R3HDM1: variants seen among roughly 807,000 people sequenced by gnomAD.
R3HDM1 encodes the protein R3H domain containing 1, also known as R3H domain-containing protein 1.
A neutral mutation model predicts 141.1 loss-of-function variants in R3HDM1; 46 were observed. That is an observed-to-expected ratio of 0.33 (90% CI 0.26 to 0.42). R3HDM1 has a LOEUF of 0.42. Ranked by LOEUF, R3HDM1 falls within the 10% of genes least tolerant of loss-of-function variation. R3HDM1 has a pLI of 1.00. For synonymous variants in R3HDM1, 435 were observed against 472.9 expected, an observed-to-expected ratio of 0.92 and a Z score of 1.04; for missense variants, 1,184 against 1,368.3, an observed-to-expected ratio of 0.87 and a Z score of 2.12.
intron 1 of R3HDM1, among the ~76,000 whole-genome samples, chr2:135,548,381 T>G (rs948624578): frequency 1.3e-5 from 2 of 152,224 alleles, no homozygotes; most frequent in Non-Finnish European, 2.9e-5. Context: ...CACTTGGACA[T>G]GCATATGATT....
At chr2:135,566,275 A>G (rs1702774727) in intron 1 of R3HDM1, among the ~76,000 whole-genome samples, 1 of 152,114 alleles carries the variant, frequency 6.6e-6, no homozygotes, top group African/African-American at 2.4e-5. Context: ...TTGAGGGGGG[A>G]AGCAAGGGAG....
At chr2:135,573,874 A>G (rs1704729779) in intron 1 of R3HDM1, among the ~76,000 whole-genome samples, 1 of 152,204 alleles carries the variant, frequency 6.6e-6, no homozygotes, top group African/African-American at 2.4e-5. Context: ...CATCCCAGTA[A>G]TATGGTGCTT....
At chr2:135,560,529 G>A (rs1234759261) in intron 1 of R3HDM1, among the ~76,000 whole-genome samples, 1 of 152,072 alleles carries the variant, frequency 6.6e-6, no homozygotes, top group African/African-American at 2.4e-5. Flanking sequence ...GACCAGGATG[G>A]TCTCAATCTC....
chr2:135,690,660 A>T (rs2072219859), intron 21 of R3HDM1, among the ~76,000 whole-genome samples: 1 of 152,186 alleles, frequency 6.6e-6, no homozygotes. Flanking sequence ...TTTCACTGCT[A>T]AAACATTGCC....
intron 24 of R3HDM1, 197 bp from the exon 25 acceptor site, chr2:135,721,727 A>G: frequency 7.1e-6 from 3 of 423,822 alleles, no homozygotes; most frequent in Non-Finnish European, 1.3e-5. Flanking sequence ...AGCTAGAATT[A>G]CAGGCGCCCA....
intron 19 of R3HDM1, chr2:135,669,311 G>C: frequency 2.0e-6 from 2 of 985,160 alleles, no homozygotes; most frequent in Non-Finnish European, 2.4e-6. Context: ...CCAAGTTCAT[G>C]TGGCTACCAT....
chr2:135,542,008 A>T (rs560813638), intron 1 of R3HDM1, among the ~76,000 whole-genome samples: 2 of 152,168 alleles, frequency 1.3e-5, no homozygotes, highest in African/African-American at 4.8e-5. Context: ...ATGAGACCCA[A>T]ATTTAAACAG....
Position 135,722,476 on chromosome 2 carries a change from C to A in R3HDM1, c.2972C>A (p.Pro991His). Residue 991 changes from proline (P) to histidine (H), a missense_variant, in exon 26 of 27, where the codon CCT becomes CAT. Coordinates refer to ENST00000683871, the MANE Select transcript of R3HDM1 (RefSeq NM_001378107.1). ...CTATTTGTGGGTTTTCAGGGTCAGCCTGGCAGCAGGCATGGAAACCGAGGA... is the reference window on the plus strand; with the variant it reads ...CTATTTGTGGGTTTTCAGGGTCAGCATGGCAGCAGGCATGGAAACCGAGGA... Reference protein sequence around the residue: ...HGHIPNQQGQPGSRHGNRGRR... With the variant: ...HGHIPNQQGQHGSRHGNRGRR... The A allele has an allele frequency of 1.2e-6, 2 of 1,613,740 alleles. No homozygotes were observed. Among genetic ancestry groups the A allele is most frequent in the Middle Eastern group, 3.3e-4 (2 of 6,062 alleles).
intron 3 of R3HDM1, chr2:135,607,424 A>G (rs1574299166): frequency 2.8e-6 from 2 of 726,188 alleles, no homozygotes; most frequent in East Asian, 1.3e-4. Context: ...GGCCCCACTT[A>G]TAGTCAAGTG....
At chr2:135,533,609 G>T (rs1487968293) in intron 1 of R3HDM1, among the ~76,000 whole-genome samples, 2 of 152,228 alleles carry the variant, frequency 1.3e-5, no homozygotes, top group Admixed American at 6.5e-5. Context: ...GGCCGGGCGC[G>T]TTGGCGCACC....
intron 19 of R3HDM1, among the ~76,000 whole-genome samples, chr2:135,673,845 T>G (rs1320436726): frequency 6.6e-6 from 1 of 152,226 alleles, no homozygotes; most frequent in Admixed American, 6.5e-5. Context: ...TTTGGTTTTT[T>G]GTTTGGTTGG....
At chr2:135,651,172 G>A in intron 17 of R3HDM1, 2 of 985,234 alleles carry the variant, frequency 2.0e-6, no homozygotes, top group Non-Finnish European at 2.4e-6. Flanking sequence ...AGAATGGAAT[G>A]TATGGCCAAA....
At chr2:135,696,587 G>A (rs550671789) in intron 21 of R3HDM1, among the ~76,000 whole-genome samples, 1 of 152,218 alleles carries the variant, frequency 6.6e-6, no homozygotes, top group South Asian at 2.1e-4. Flanking sequence ...AACCTCCTGG[G>A]CTCAAGCAAT....
intron 3 of R3HDM1, among the ~76,000 whole-genome samples, chr2:135,609,139 A>G (rs542999128): frequency 6.6e-6 from 1 of 152,252 alleles, no homozygotes; most frequent in South Asian, 2.1e-4. Context: ...CAGACATTAC[A>G]TGTCATCTCA....
At position 135,660,357 on chromosome 2, in the gene R3HDM1, A is replaced by T. The variant is rs1226248241; in HGVS notation, c.2029-913A>T. On this transcript the variant is annotated intron_variant, in intron 18 of 26. Transcript: ENST00000683871. Reference sequence around the variant, plus strand: ...CTTCTGTTTCATATACATCTTATACACATAGCCTTAAGGTAATATAAGCCA... The same window carrying T: ...CTTCTGTTTCATATACATCTTATACTCATAGCCTTAAGGTAATATAAGCCA... 2.0e-5 allele frequency among the ~76,000 whole-genome samples: 3 copies of T among 152,190 alleles called. No homozygotes were observed. The East Asian group carries it at 5.8e-4, about 29-fold the overall frequency.
At chr2:135,620,633 C>G (rs932804418) in intron 5 of R3HDM1, 67 of 978,640 alleles carry the variant, frequency 6.8e-5, no homozygotes, top group Non-Finnish European at 7.8e-5. Flanking sequence ...TATAGAACAA[C>G]AGTATAATTT....
chr2:135,673,496 A>T (rs2068708729), intron 19 of R3HDM1, among the ~76,000 whole-genome samples: 1 of 152,212 alleles, frequency 6.6e-6, no homozygotes, highest in East Asian at 1.9e-4. Context: ...TTGTCATTTG[A>T]TGAACTGAAA....
At chr2:135,660,249 T>A (rs907246804) in intron 18 of R3HDM1, among the ~76,000 whole-genome samples, 2 of 152,180 alleles carry the variant, frequency 1.3e-5, no homozygotes, top group Non-Finnish European at 2.9e-5. Context: ...GTTTTTTGGT[T>A]TTTTTTGGGG....
intron 19 of R3HDM1, among the ~76,000 whole-genome samples, chr2:135,663,019 C>T (rs1011445475): frequency 6.6e-5 from 10 of 151,586 alleles, no homozygotes; most frequent in African/African-American, 2.4e-4. Context: ...TGTTAGCTTA[C>T]TAATTTTGTT....
Sources: gnomAD v4.1 joint callset for allele counts (sites outside exome capture counted in the v4.1 genomes callset) on GRCh38, gnomAD v4.1.1 for gene constraint, MANE v1.5 for transcripts, NCBI Gene and HGNC (gene_info 2026-07-23, HGNC 2026-07-21) for gene names.